The following IRAK1BP1 variants were observed in gnomAD, a reference collection of about 807,000 sequenced individuals.
The protein encoded by IRAK1BP1 is interleukin 1 receptor associated kinase 1 binding protein 1, also known as interleukin-1 receptor-associated kinase 1-binding protein 1.
IRAK1BP1 carries 24 observed loss-of-function variants against 28.0 expected under a neutral mutation model. The observed-to-expected ratio is 0.86, with a 90% confidence interval of 0.62 to 1.20. The LOEUF (loss-of-function observed/expected upper bound fraction) is 1.20, where lower values mean the gene tolerates loss of function less well. Ranked by LOEUF, IRAK1BP1 falls within the 50% of genes most tolerant of loss-of-function variation. IRAK1BP1 has a pLI of 0.00. For synonymous variants in IRAK1BP1, 131 were observed against 116.3 expected (o/e 1.13, Z -0.81); for missense variants, 336 against 316.7 (o/e 1.06, Z -0.46).
At chr6:78,968,385 C>A in the IRAK1BP1 span, among the ~76,000 whole-genome samples, 19 of 152,192 alleles carry the variant, frequency 1.2e-4, no homozygotes, top group African/African-American at 4.3e-4. Flanking sequence ...CAGATTTGGC[C>A]CTCTGTATTG....
At chr6:78,922,058 A>T (rs893555923) in intron 4 of IRAK1BP1, among the ~76,000 whole-genome samples, 2 of 152,236 alleles carry the variant, frequency 1.3e-5, no homozygotes, top group Non-Finnish European at 2.9e-5. Context: ...TCAGCAATGG[A>T]ACAAAGCTGG....
intron 2 of IRAK1BP1, among the ~76,000 whole-genome samples, chr6:78,897,486 T>C (rs1771932013): frequency 6.6e-6 from 1 of 152,128 alleles, no homozygotes; most frequent in Non-Finnish European, 1.5e-5. Flanking sequence ...ATCAGGAAGC[T>C]AAGGGCATTG....
At position 78,885,362 on chromosome 6, in the gene IRAK1BP1, A is replaced by C. The variant is rs9352671; in HGVS notation, c.316-16A>C. On this transcript the variant is annotated splice_polypyrimidine_tract_variant and intron_variant, in intron 1 of 3. Transcript: ENST00000369940. ...AAATATTTAGTAATCATACTCTTGG[A>C]CTTTTTCTGTTTCAGGCAGAAAATA... is the stretch of plus-strand genomic sequence containing the variant. 1.1e-4 allele frequency: 157 copies of C among 1,485,504 alleles called. 1 individual carries two copies. The East Asian group carries it at 2.3e-3, about 22-fold the overall frequency. The allele number at this position is 1,485,504 out of a possible 1,614,324, so 92.0% of individuals were successfully genotyped here.
At chr6:78,878,097 A>G (rs1771078719) in intron 1 of IRAK1BP1, among the ~76,000 whole-genome samples, 1 of 152,138 alleles carries the variant, frequency 6.6e-6, no homozygotes, top group South Asian at 2.1e-4. Context: ...GGCAGCAGAA[A>G]CTTCTGCAGA....
intron 4 of IRAK1BP1, among the ~76,000 whole-genome samples, chr6:78,910,933 G>A (rs140912247): frequency 6.6e-6 from 1 of 152,254 alleles, no homozygotes; most frequent in Non-Finnish European, 1.5e-5. Context: ...CCGCTCCTTG[G>A]CCTACTGGCA....
chr6:78,891,075 T>A (rs1052827607), intron 2 of IRAK1BP1, among the ~76,000 whole-genome samples: 1 of 151,942 alleles, frequency 6.6e-6, no homozygotes, highest in African/African-American at 2.4e-5. Flanking sequence ...AAGAAAAAAA[T>A]AAAGGAACTC....
At chr6:78,972,118 A>C in the IRAK1BP1 span, among the ~76,000 whole-genome samples, 3 of 152,160 alleles carry the variant, frequency 2.0e-5, no homozygotes, top group African/African-American at 4.8e-5. Context: ...CTGCAGACTT[A>C]AATGTCCCTG....
At chr6:78,905,651 G>A (rs1302399359), downstream of IRAK1BP1, among the ~76,000 whole-genome samples, 1 of 152,180 alleles carries the variant, frequency 6.6e-6, no homozygotes, top group Non-Finnish European at 1.5e-5. Context: ...GCCCAGGCTG[G>A]AGTGCAGTGG....
the IRAK1BP1 span, among the ~76,000 whole-genome samples, chr6:78,972,287 G>A: frequency 3.3e-4 from 50 of 152,290 alleles, no homozygotes; most frequent in East Asian, 7.5e-3. Flanking sequence ...TCACACTGCA[G>A]GGTACTCCAA....
chr6:78,952,492 C>A, the IRAK1BP1 span, among the ~76,000 whole-genome samples: 1 of 150,274 alleles, frequency 6.7e-6, no homozygotes, highest in Non-Finnish European at 1.5e-5. Flanking sequence ...TCAAATATTG[C>A]TCCTCTCCCA....
intron 4 of IRAK1BP1, among the ~76,000 whole-genome samples, chr6:78,931,789 T>C (rs1773051797): frequency 6.6e-6 from 1 of 152,202 alleles, no homozygotes; most frequent in African/African-American, 2.4e-5. Flanking sequence ...GCCTGCTGAC[T>C]GATCAGGGTG....
chr6:78,934,020 A>G (rs569250217), intron 4 of IRAK1BP1, among the ~76,000 whole-genome samples: 2 of 152,260 alleles, frequency 1.3e-5, no homozygotes, highest in South Asian at 4.1e-4. Flanking sequence ...GAGAGACTTG[A>G]GACTCTTCTA....
At chr6:78,951,393 T>C (rs374621542), downstream of IRAK1BP1, among the ~76,000 whole-genome samples, 1 of 152,156 alleles carries the variant, frequency 6.6e-6, no homozygotes, top group South Asian at 2.1e-4. Flanking sequence ...ATTTTTAACA[T>C]CTTGCTTTGA....
rs1562090231 is a variant in IRAK1BP1, at chr6:78,901,040, T to C, written c.*2706T>C. On this transcript the variant is annotated 3_prime_UTR_variant, in exon 4 of 4. Coordinates refer to ENST00000369940, the MANE Select transcript of IRAK1BP1 (RefSeq NM_001010844.4). ...TGTACAGAAAAGTAGAATGAGGTTG[T>C]GCATCAAGAAAAAAATTGTTCGTTC... is the stretch of plus-strand genomic sequence containing the variant. 6.6e-6 allele frequency: 1 copy of C among 151,422 alleles called. No homozygotes were observed. Among genetic ancestry groups the C allele is most frequent in the Non-Finnish European group, 1.5e-5 (1 of 67,890 alleles). 9.4% of individuals were successfully genotyped at this position (151,422 alleles called of 1,614,324 possible). A position where few individuals can be genotyped will look rare whatever the true frequency, so the allele number is the denominator to read the frequency against.
chr6:78,950,421 G>T (rs1379140775), downstream of IRAK1BP1, among the ~76,000 whole-genome samples: 1 of 152,172 alleles, frequency 6.6e-6, no homozygotes, highest in South Asian at 2.1e-4. Context: ...TGTAGAATTT[G>T]TGTTAATTCT....
chr6:78,874,424 T>G (rs9352669), intron 1 of IRAK1BP1, among the ~76,000 whole-genome samples: 71,283 of 152,042 alleles, frequency 0.47, 17,128 homozygotes, highest in East Asian at 0.69. Context: ...AATGTTACTG[T>G]TTATTGCTAT....
intron 1 of IRAK1BP1, among the ~76,000 whole-genome samples, chr6:78,884,979 A>G (rs1397619326): frequency 6.6e-6 from 1 of 152,112 alleles, no homozygotes; most frequent in East Asian, 1.9e-4. Flanking sequence ...TGTGCAGGTG[A>G]CACCTACAGG....
At chr6:78,867,927 A>C (rs9350789) in intron 1 of IRAK1BP1, 36 bp downstream of exon 1, 1,346,026 of 1,511,788 alleles carry the variant, frequency 0.89, 599,500 homozygotes, top group Admixed American at 0.92. Flanking sequence ...AAGAGCCGGA[A>C]GACACAAAAG....
rs543814235 is a variant in IRAK1BP1, at chr6:78,945,295, C to T, written c.*68-113C>T. The T allele has an allele frequency of 5.7e-6, 9 of 1,590,592 alleles. No individual in the cohort carries two copies. In the African/African-American group the frequency reaches 8.0e-5, roughly 14 times the overall value. Reference sequence around the variant, plus strand: ...GTATCTTGAAAGATACAAGTAATACCTTACCTTGCTCAATGACAGCTGATG... The same window carrying T: ...GTATCTTGAAAGATACAAGTAATACTTTACCTTGCTCAATGACAGCTGATG... On this transcript the variant is annotated intron_variant and NMD_transcript_variant, in intron 4 of 4. Coordinates refer to the IRAK1BP1 transcript ENST00000606868.
Sources: allele counts gnomAD v4.1 joint callset (sites outside exome capture counted in the v4.1 genomes callset), GRCh38; gene constraint gnomAD v4.1.1; transcripts MANE v1.5; gene names NCBI Gene and HGNC (gene_info 2026-07-23, HGNC 2026-07-21).